Variants in UNC79 observed in about 807,000 individuals in gnomAD.
UNC79 encodes the protein protein unc-79 homolog.
In UNC79, 37 loss-of-function variants were observed where a neutral mutation model predicts 283.1. The observed-to-expected ratio is 0.13, with a 90% CI of 0.10 to 0.17. The LOEUF is 0.17. UNC79 is among the 10% of genes least tolerant of loss of function. The pLI is 1.00. For synonymous variants in UNC79, 1,107 were observed against 1,200.2 expected (o/e 0.92, Z 1.61); for missense variants, 2,272 against 3,211.1 (o/e 0.71, Z 7.07).
rs531098513 is a variant in UNC79 at position 93,418,748 on chromosome 14, C to T, written c.-350-48923C>T. On this transcript the variant is annotated intron_variant, in intron 1 of 49. Transcript: ENST00000256339. ...ATGGTGGGCGCCCCTCCCCCAGCCTCGCTGCCGCCTTGCAGTTTGATCTCA... is the reference window on the plus strand; with the variant it reads ...ATGGTGGGCGCCCCTCCCCCAGCCTTGCTGCCGCCTTGCAGTTTGATCTCA... 1.8e-4 allele frequency among the ~76,000 whole-genome samples: 28 copies of T among 151,920 alleles called. 2 individuals carry two copies. The highest frequency in any genetic ancestry group is 1.5e-3 in the South Asian group (7 of 4,698).
chr14:93,437,234 A>G (rs1009790676), intron 1 of UNC79, among the ~76,000 whole-genome samples: 1 of 152,138 alleles, frequency 6.6e-6, no homozygotes, highest in African/African-American at 2.4e-5. Context: ...CTCTCCAGGA[A>G]AGACAGTTTA....
At chr14:93,374,708 T>C (rs2054520563) in intron 1 of UNC79, among the ~76,000 whole-genome samples, 2 of 152,116 alleles carry the variant, frequency 1.3e-5, no homozygotes, top group African/African-American at 4.8e-5. Flanking sequence ...CTGGCTAATT[T>C]TTAAAAAATA....
chr14:93,632,823 C>T (rs2068148306), intron 31 of UNC79, among the ~76,000 whole-genome samples: 1 of 151,982 alleles, frequency 6.6e-6, no homozygotes, highest in African/African-American at 2.4e-5. Flanking sequence ...GTTTCATGAT[C>T]CCAAAGTCAT....
chr14:93,614,576 C>G (rs1232202233), intron 27 of UNC79, among the ~76,000 whole-genome samples: 1 of 151,732 alleles, frequency 6.6e-6, no homozygotes, highest in African/African-American at 2.4e-5. Context: ...ACCTTGGCCT[C>G]CCAAAGTGCT....
chr14:93,506,367 C>T (rs1215396251), intron 7 of UNC79, among the ~76,000 whole-genome samples: 1 of 152,018 alleles, frequency 6.6e-6, no homozygotes, highest in African/African-American at 2.4e-5. Context: ...GGATTACAGG[C>T]ACCTGCCACC....
At chr14:93,438,663 CTT>C (rs61646513) in intron 1 of UNC79, among the ~76,000 whole-genome samples, 12 of 141,578 alleles carry the variant, frequency 8.5e-5, no homozygotes, top group Admixed American at 7.1e-5. Flanking sequence ...CTTTTACGTT[CTT>C]TTTTTTTTTT....
chr14:93,486,515 G>C (rs953769429), intron 4 of UNC79, among the ~76,000 whole-genome samples: 1 of 151,978 alleles, frequency 6.6e-6, no homozygotes, highest in Non-Finnish European at 1.5e-5. Flanking sequence ...TTAGCCGGGT[G>C]TGGGGGCAGG....
chr14:93,416,011 T>A (rs1477477418), intron 1 of UNC79, among the ~76,000 whole-genome samples: 2 of 152,170 alleles, frequency 1.3e-5, no homozygotes, highest in African/African-American at 4.8e-5. Flanking sequence ...TTTTTGTGTC[T>A]CTATTTCCTT....
chr14:93,692,788 A>C (rs1201983883), intron 46 of UNC79, among the ~76,000 whole-genome samples: 3 of 152,210 alleles, frequency 2.0e-5, no homozygotes, highest in African/African-American at 7.2e-5. Context: ...TTCATCCTGG[A>C]GTCAAGGTTG....
At chr14:93,471,438 T>G (rs2057496037) in intron 2 of UNC79, among the ~76,000 whole-genome samples, 1 of 152,186 alleles carries the variant, frequency 6.6e-6, no homozygotes, top group African/African-American at 2.4e-5. Context: ...GGTGAAAAGC[T>G]GGCTGCAGAG....
At chr14:93,337,223 C>G (rs2053597584) in intron 1 of UNC79, among the ~76,000 whole-genome samples, 1 of 152,250 alleles carries the variant, frequency 6.6e-6, no homozygotes, top group Non-Finnish European at 1.5e-5. Context: ...ATAAAAACCC[C>G]CAGACCCAGC....
chr14:93,340,790 T>C (rs1303347810), intron 1 of UNC79, among the ~76,000 whole-genome samples: 1 of 151,964 alleles, frequency 6.6e-6, no homozygotes, highest in East Asian at 1.9e-4. Flanking sequence ...CAGGCTGGTC[T>C]CAATCTCCTG....
Position 93,553,481 on chromosome 14 carries a change from T to G in UNC79, c.1755+10785T>G, listed in dbSNP as rs182701070. 7.9e-5 allele frequency among the ~76,000 whole-genome samples: 12 copies of G among 152,260 alleles called. No homozygotes were observed. The East Asian group carries it at 2.3e-3, about 29-fold the overall frequency. ...TGTCAGAGACCTGCATCCAAGAGTA[T>G]CCATGAGAGTCCTTTAGCTGATTAT... On this transcript the variant is annotated intron_variant, in intron 14 of 48. Transcript: ENST00000555664.
chr14:93,359,533 G>T (rs1161190807), intron 1 of UNC79, among the ~76,000 whole-genome samples: 1 of 152,196 alleles, frequency 6.6e-6, no homozygotes, highest in African/African-American at 2.4e-5. Context: ...ACAATCAAAG[G>T]CAAGGTCAGC....
intron 25 of UNC79, 123 bp from the exon 26 acceptor site, chr14:93,603,116 T>C (rs1043563936): frequency 4.4e-6 from 5 of 1,142,164 alleles, no homozygotes; most frequent in Non-Finnish European, 4.9e-6. Context: ...TAGAGGGAGA[T>C]GTATATCCAT....
chr14:93,428,954 G>T (rs1238250306), upstream of UNC79, among the ~76,000 whole-genome samples: 1 of 152,126 alleles, frequency 6.6e-6, no homozygotes, highest in East Asian at 1.9e-4. Context: ...GTAACGGGAG[G>T]GTTAATTGAT....
In UNC79 at chr14:93,706,243, G is replaced by A. The variant is rs753399627; in HGVS notation, c.7591-461G>A. Among the ~76,000 whole-genome samples the A allele has an allele frequency of 2.5e-4, 38 of 152,232 alleles. 1 individual carries two copies. In the Middle Eastern group the frequency reaches 0.037, roughly 150 times the overall value. ...CATTTGTCCTACACAAACCCCCTGA[G>A]TAAGTGTCACTATCCCCCCTTTACC... On this transcript the variant is annotated intron_variant, in intron 48 of 48. Coordinates refer to ENST00000555664, the Ensembl canonical transcript of UNC79.
chr14:93,630,978 A>G (rs2067986068), intron 31 of UNC79, 70 bp downstream of exon 33: 1 of 1,376,978 alleles, frequency 7.3e-7, no homozygotes, highest in Non-Finnish European at 1.0e-6. Context: ...CCTTGTTTTC[A>G]ATTTTCCCAA....
chr14:93,421,776 T>A (rs1198906747), intron 1 of UNC79, among the ~76,000 whole-genome samples: 1 of 144,610 alleles, frequency 6.9e-6, no homozygotes, highest in South Asian at 2.3e-4. Context: ...GGAGATAGCT[T>A]AAAAAAAAAA....
Sources: allele counts gnomAD v4.1 joint callset (sites outside exome capture counted in the v4.1 genomes callset), GRCh38; gene constraint gnomAD v4.1.1; transcripts MANE v1.5; gene names NCBI Gene and HGNC (gene_info 2026-07-23, HGNC 2026-07-21).